PCNX3: variants seen among roughly 807,000 people sequenced by gnomAD.
PCNX3 encodes the protein pecanex-like protein 3.
A neutral mutation model predicts 207.2 loss-of-function variants in PCNX3; 58 were observed. That is an observed-to-expected ratio of 0.28 (90% CI 0.23 to 0.35). PCNX3 has a LOEUF of 0.35. PCNX3 is among the 10% of genes least tolerant of loss of function. The probability of loss-of-function intolerance (pLI) is 1.00; values close to 1 mark genes in which losing one functional copy is unlikely to be tolerated. For synonymous variants in PCNX3, 1,337 were observed against 1,183.5 expected (o/e 1.13, Z -2.66); for missense variants, 2,410 against 2,774.4 (o/e 0.87, Z 2.95).
chr11:65,626,246 G>A (rs1429863984), intron 20 of PCNX3, 192 bp downstream of exon 20: 1 of 780,300 alleles, frequency 1.3e-6, no homozygotes, highest in African/African-American at 1.7e-5. Context: ...TTCTCCTCGT[G>A]CCCTGCTGTG....
intron 8 of PCNX3, 102 bp downstream of exon 8, chr11:65,620,034 C>T (rs1465325989): frequency 1.5e-5 from 18 of 1,207,354 alleles, no homozygotes; most frequent in Non-Finnish European, 1.9e-5. Context: ...GGCAGGTACA[C>T]TGCTAATGCT....
In PCNX3 at chr11:65,618,902, C is replaced by T. The variant is rs747048392; in HGVS notation, c.1540C>T (p.Leu514=). The change falls in exon 6 of 35, where the codon CTG becomes TTG. Residue 514 remains leucine (L), a synonymous_variant. Coordinates refer to ENST00000355703, the MANE Select transcript of PCNX3 (RefSeq NM_032223.4). ...LSMDGAGGDV[L]RPPLAGCKAE... ...CATGGATGGGGCTGGGGGTGATGTT[C>T]TGAGGCCCCCACTGGCTGGCTGCAA... 110 of 1,609,248 alleles carry T rather than the reference C, an allele frequency of 6.8e-5. No homozygotes were observed. Among genetic ancestry groups the T allele is most frequent in the Non-Finnish European group, 8.7e-5 (102 of 1,178,652 alleles).
At position 65,620,711 on chromosome 11, in the gene PCNX3, T is replaced by A. The variant is rs985793604; in HGVS notation, c.2100-120T>A. On this transcript the variant is annotated intron_variant, in intron 9 of 34. Coordinates refer to ENST00000355703, the MANE Select transcript of PCNX3 (RefSeq NM_032223.4). ...GCCACCTGACCCCAGCACTTGTCCC[T>A]TGAGCCCTGGTTGGTCTCGGCACAG... The A allele has an allele frequency of 2.4e-5, 33 of 1,372,172 alleles. No individual in the cohort carries two copies. In the Admixed American group the frequency reaches 4.9e-4, roughly 20 times the overall value. The allele number at this position is 1,372,172 out of a possible 1,614,324, so 85.0% of individuals were successfully genotyped here. A position where few individuals can be genotyped will look rare whatever the true frequency, so the allele number is the denominator to read the frequency against.
In PCNX3 at chr11:65,624,509, C is replaced by T. The variant is rs748154245; in HGVS notation, c.2755C>T (p.Leu919Phe). 1 of 1,608,698 alleles carries T rather than the reference C, an allele frequency of 6.2e-7. No individual in the cohort carries two copies. The highest frequency in any genetic ancestry group is 2.2e-5 in the East Asian group (1 of 44,750). ...CTTCCCCTTCGTCTTCCTCCTGGGC[C>T]TCCTGCCCCAGGTCAACACCTGCCT... is the stretch of plus-strand genomic sequence containing the variant. ...LCFPFVFLLG[L>F]LPQVNTCLMY... Residue 919 changes from leucine (L) to phenylalanine (F), a missense_variant, in exon 15 of 35, where the codon CTC (leucine) becomes TTC (phenylalanine). Around this residue, in one of 8 missense-constraint regions of PCNX3, gnomAD observed 18 missense variants for 46.2 expected, o/e 0.39. Transcript: ENST00000355703.
intron 22 of PCNX3, among the ~76,000 whole-genome samples, 160 bp downstream of exon 22, chr11:65,627,742 C>T (rs1197726982): frequency 6.6e-6 from 1 of 151,990 alleles, no homozygotes; most frequent in South Asian, 2.1e-4. Context: ...TTACTTCCAC[C>T]CTCTACAGAG....
intron 26 of PCNX3, 49 bp from the exon 27 acceptor site, chr11:65,630,302 A>C (rs1855567742): frequency 6.3e-7 from 1 of 1,589,480 alleles, no homozygotes; most frequent in Middle Eastern, 2.0e-4. Flanking sequence ...AGGACAGGGC[A>C]GGTAGGGATT....
rs775436490 is a variant in PCNX3 at position 65,620,344 on chromosome 11, C to T, written c.2014C>T (p.Arg672Trp). 2.2e-5 allele frequency: 36 copies of T among 1,612,478 alleles called. No individual in the cohort carries two copies. Among genetic ancestry groups the T allele is most frequent in the Non-Finnish European group, 2.1e-5 (25 of 1,179,346 alleles). ...TCTCCCATACCCTGCCCCAGGTGTG[C>T]GGCGTTCCTACACCTTTGGCCTGGC... ...VHYFYDESGV[R>W]RSYTFGLAGG... Residue 672 changes from arginine to tryptophan, a missense_variant, in exon 9 of 35, where the codon CGG becomes TGG. Physicochemically the swap from Arg to Trp is moderately radical, Grantham distance 101. Coordinates refer to ENST00000355703, the MANE Select transcript of PCNX3 (RefSeq NM_032223.4).
rs747622841 is a variant in PCNX3, at chr11:65,625,693, C to G, written c.3177C>G (p.Ile1059Met). The G allele has an allele frequency of 1.9e-6, 3 of 1,612,346 alleles. No homozygotes were observed. The highest frequency in any genetic ancestry group is 1.7e-5 in the Admixed American group (1 of 59,980). Residue 1059 changes from isoleucine (I) to methionine (M), a missense_variant, in exon 19 of 35, where the codon ATC becomes ATG. Ile to Met is a conservative substitution (Grantham distance 10). Transcript: ENST00000355703. This position sits in a 1 kb window ranked among gnomAD's most constrained non-coding sequence, Gnocchi z 5.6. ...CCGACCTGGTGATGTGTGTGGTGAT[C>G]GCCGTGCTCACCTTCGCCATCAGCG... ...LHSDLVMCVV[I>M]AVLTFAISAS... is the part of the protein sequence containing the mutation.
At chr11:65,627,142 A>G (rs1855434688) in intron 21 of PCNX3, 94 bp downstream of exon 21, 1 of 1,425,816 alleles carries the variant, frequency 7.0e-7, no homozygotes, top group Non-Finnish European at 9.3e-7. Flanking sequence ...AATCATGTCT[A>G]AGGTTGTTTA....
rs373346937 is a variant in PCNX3, at chr11:65,635,504, C to T, written c.5185-25C>T. 10 of 1,607,992 alleles carry T rather than the reference C, an allele frequency of 6.2e-6. No homozygotes were observed. Among genetic ancestry groups the T allele is most frequent in the Non-Finnish European group, 8.5e-6 (10 of 1,178,378 alleles). On this transcript the variant is annotated intron_variant, in intron 31 of 34. Coordinates refer to ENST00000355703, the MANE Select transcript of PCNX3 (RefSeq NM_032223.4). The surrounding 1 kb of genome is among the most constrained non-coding windows in gnomAD (Gnocchi z 9.9). The stretch of plus-strand genomic sequence containing the variant: ...GCCCCAAACCCCCTTGGGCCGGCCC[C>T]CTGACCCTGGCGTGTGGCTCTCAGG...
At position 65,617,505 on chromosome 11, in the gene PCNX3, T is replaced by G. The variant is rs1183745139; in HGVS notation, c.477T>G (p.Leu159=). Residue 159 remains leucine (L), a synonymous_variant, in exon 4 of 35, where the codon CTT becomes CTG. Transcript: ENST00000355703. The part of the protein sequence containing the change: ...LLPRMEDSGP[L]RDIKELVREQ... ...CCCGAATGGAGGACTCTGGGCCCCT[T>G]AGAGGTAGGTGGCTGCTCTTCAGGG... The G allele has an allele frequency of 8.7e-6, 14 of 1,613,768 alleles. No homozygotes were observed. Among genetic ancestry groups the G allele is most frequent in the Middle Eastern group, 1.6e-4 (1 of 6,084 alleles).
At position 65,634,241 on chromosome 11, in the gene PCNX3, C is replaced by T. The variant is rs1284256207; in HGVS notation, c.4586C>T (p.Thr1529Ile). 1.2e-6 allele frequency: 2 copies of T among 1,613,224 alleles called. No individual in the cohort carries two copies. Among genetic ancestry groups the T allele is most frequent in the South Asian group, 1.1e-5 (1 of 90,962 alleles). ...RVPGYADSDP[T>I]FSLSVDEDYD... The stretch of plus-strand genomic sequence containing the variant: ...CCCGGCTATGCCGACTCGGATCCCA[C>T]CTTCTCGCTGAGTGTGGATGAGGAC... The change falls in exon 28 of 35, where the codon ACC becomes ATC. Residue 1529 changes from threonine to isoleucine, a missense_variant. Thr to Ile is a moderately conservative substitution (Grantham distance 89). Around this residue, in one of 8 missense-constraint regions of PCNX3, gnomAD observed 420 missense variants for 705.3 expected, o/e 0.60. Transcript: ENST00000355703.
At chr11:65,624,853 G>A (rs1439395869) in intron 15 of PCNX3, 72 bp from the exon 16 acceptor site, 13 of 1,443,194 alleles carry the variant, frequency 9.0e-6, no homozygotes, top group Non-Finnish European at 1.2e-5. Flanking sequence ...GGGAGTTGAG[G>A]GGAAGCGCGG....
At chr11:65,622,726 G>C (rs1440425535) in intron 11 of PCNX3, among the ~76,000 whole-genome samples, 1 of 152,010 alleles carries the variant, frequency 6.6e-6, no homozygotes, top group Admixed American at 6.5e-5. Flanking sequence ...CTCCTGAGTA[G>C]CTGGGACTAC....
chr11:65,618,648 A>G lies in PCNX3; in HGVS notation c.1286A>G (p.Glu429Gly), dbSNP rs993155285. The change falls in exon 6 of 35, where the codon GAA (glutamate) becomes GGA (glycine). Residue 429 changes from glutamate (E) to glycine (G), a missense_variant. Coordinates refer to ENST00000355703, the MANE Select transcript of PCNX3 (RefSeq NM_032223.4). ...FEDEDTSEGS[E>G]LSPASSLRSQ... ...GATGAAGACACTAGTGAGGGCAGTG[A>G]ACTGAGCCCGGCCTCCAGTCTCCGA... 6.2e-7 allele frequency: 1 copy of G among 1,613,106 alleles called. No homozygotes were observed. Among genetic ancestry groups the G allele is most frequent in the Non-Finnish European group, 8.5e-7 (1 of 1,179,832 alleles).
At position 65,619,766 on chromosome 11, in the gene PCNX3, A is replaced by G. The variant is rs888294509; in HGVS notation, c.1842A>G (p.Glu614=). 1.3e-6 allele frequency: 2 copies of G among 1,571,700 alleles called. No homozygotes were observed. The highest frequency in any genetic ancestry group is 1.8e-5 in the Admixed American group (1 of 55,824). The stretch of plus-strand genomic sequence containing the variant: ...TGACCCTCTCCAGCAGCCTGCAGGA[A>G]GCTCAGCGGGGCCGGGCTGCCTCCC... ...VMGSPPSSLQ[E]AQRGRAASHS... Residue 614 remains glutamate (E), a synonymous_variant, in exon 8 of 35, where the codon GAA becomes GAG. Transcript: ENST00000355703.
chr11:65,632,198 G>C (rs1487653549), intron 27 of PCNX3, among the ~76,000 whole-genome samples: 3 of 152,136 alleles, frequency 2.0e-5, no homozygotes, highest in African/African-American at 4.8e-5. Flanking sequence ...TGCCTCAAAG[G>C]CTGGGCAGAA....
intron 12 of PCNX3, 31 bp downstream of exon 12, chr11:65,623,675 C>T (rs781525055): frequency 2.5e-6 from 4 of 1,601,900 alleles, no homozygotes; most frequent in Non-Finnish European, 3.4e-6. Context: ...TTTCCTTCCC[C>T]ACCCGACTTT....
In PCNX3 at chr11:65,635,813, CGGGAA is replaced by C. The variant is rs1565173985; in HGVS notation, c.5459+14_5459+18del. The C allele has an allele frequency of 6.3e-7, 1 of 1,598,812 alleles. No individual in the cohort carries two copies. On this transcript the variant is annotated intron_variant, in intron 32 of 34. Coordinates refer to ENST00000355703, the MANE Select transcript of PCNX3 (RefSeq NM_032223.4). The surrounding 1 kb of genome is among the most constrained non-coding windows in gnomAD (Gnocchi z 9.9). Reference sequence around the variant, plus strand: ...TGCGCACCTGGGAGAGGTGAGGCCTCGGGAAGGGGTGACGTGTGGCGCGGGAGGAA... The same window carrying C: ...TGCGCACCTGGGAGAGGTGAGGCCTCGGGGTGACGTGTGGCGCGGGAGGAA...
Sources: gnomAD v4.1 joint callset for allele counts (sites outside exome capture counted in the v4.1 genomes callset) on GRCh38, gnomAD v4.1.1 for gene constraint, gnomAD v4.1.1 regional missense constraint, Gnocchi (gnomAD v3.1) non-coding constraint, MANE v1.5 for transcripts, NCBI Gene and HGNC (gene_info 2026-07-23, HGNC 2026-07-21) for gene names.